HDAC9: variants seen among roughly 807,000 people sequenced by gnomAD.
HDAC9 encodes the protein MEF-2 interacting transcription repressor (MITR) protein.
A neutral mutation model predicts 139.4 loss-of-function variants in HDAC9; 41 were observed. That is an observed-to-expected ratio of 0.29 (90% CI 0.23 to 0.38). The LOEUF (loss-of-function observed/expected upper bound fraction) is 0.38. HDAC9 is among the 10% of genes least tolerant of loss of function. HDAC9 has a pLI of 1.00. For missense variants in HDAC9, 1,147 were observed against 1,297.0 expected (o/e 0.88, Z 1.78); for synonymous variants, 517 against 476.2 (o/e 1.09, Z -1.12).
chr7:18,190,524 T>C (rs555557472), intron 2 of HDAC9, among the ~76,000 whole-genome samples: 3 of 152,282 alleles, frequency 2.0e-5, no homozygotes, highest in East Asian at 1.9e-4. Flanking sequence ...ATTGTAATTA[T>C]AAACTGGCTT....
At chr7:18,794,697 T>C (rs1210768393) in intron 17 of HDAC9, among the ~76,000 whole-genome samples, 1 of 152,192 alleles carries the variant, frequency 6.6e-6, no homozygotes, top group Non-Finnish European at 1.5e-5. Flanking sequence ...TATCTCCCAG[T>C]AGAACTTGAG....
chr7:18,089,861 T>A (rs377384415), intron 1 of HDAC9, among the ~76,000 whole-genome samples: 31 of 152,282 alleles, frequency 2.0e-4, no homozygotes, highest in East Asian at 5.8e-4. Flanking sequence ...AATATTGTAG[T>A]TATGGACATT....
intron 16 of HDAC9, among the ~76,000 whole-genome samples, chr7:18,776,912 G>A (rs1313264183): frequency 1.3e-5 from 2 of 151,976 alleles, no homozygotes; most frequent in African/African-American, 4.8e-5. Flanking sequence ...TTAAAGATCT[G>A]TGTGTCTAGA....
intron 1 of HDAC9, among the ~76,000 whole-genome samples, chr7:18,410,009 T>C (rs1261410019): frequency 6.6e-6 from 1 of 151,316 alleles, no homozygotes; most frequent in Non-Finnish European, 1.5e-5. Context: ...TCCATAATTT[T>C]TCTTTACCCA....
chr7:18,836,316 C>T (rs1665120655), intron 21 of HDAC9, among the ~76,000 whole-genome samples: 2 of 152,096 alleles, frequency 1.3e-5, no homozygotes, highest in South Asian at 4.1e-4. Context: ...ATATTCATTG[C>T]CCTGAGAAGT....
At chr7:18,939,117 T>C (rs896734357) in intron 23 of HDAC9, among the ~76,000 whole-genome samples, 3 of 152,238 alleles carry the variant, frequency 2.0e-5, no homozygotes, top group African/African-American at 7.2e-5. Flanking sequence ...ATGCCCTAAA[T>C]ACCAGCTTGT....
intron 2 of HDAC9, among the ~76,000 whole-genome samples, chr7:18,280,201 G>T (rs1410873939): frequency 6.6e-6 from 1 of 152,096 alleles, no homozygotes; most frequent in Admixed American, 6.6e-5. Context: ...CATGTAATCC[G>T]AGCAGTTTGG....
chr7:18,993,928 T>C (rs143198642), intron 25 of HDAC9, among the ~76,000 whole-genome samples: 78 of 152,302 alleles, frequency 5.1e-4, no homozygotes, highest in African/African-American at 1.8e-3. Flanking sequence ...CAATATAAAA[T>C]GATTTCAAAG....
chr7:18,804,759 G>T (rs370048103), intron 17 of HDAC9, among the ~76,000 whole-genome samples: 2 of 152,130 alleles, frequency 1.3e-5, no homozygotes, highest in East Asian at 3.9e-4. Flanking sequence ...CATTACAAAA[G>T]ACTAGAGAAC....
chr7:18,942,951 A>G (rs991591724), intron 23 of HDAC9, among the ~76,000 whole-genome samples: 4 of 152,066 alleles, frequency 2.6e-5, no homozygotes, highest in Non-Finnish European at 5.9e-5. Context: ...AATAAAAAAA[A>G]TTAAAGAAAA....
chr7:19,001,059 G>A lies in HDAC9; in HGVS notation c.*4997G>A, dbSNP rs752204565. ...TATTGTATTTTGGTCTACAATTTTGGACTTGGCAGTTTGTTTTACTAATGC... is the reference window on the plus strand; with the variant it reads ...TATTGTATTTTGGTCTACAATTTTGAACTTGGCAGTTTGTTTTACTAATGC... On this transcript the variant is annotated 3_prime_UTR_variant, in exon 26 of 26. Coordinates refer to ENST00000686413, the MANE Select transcript of HDAC9 (RefSeq NM_178425.4). 2 of 151,994 alleles carry A rather than the reference G, an allele frequency of 1.3e-5. No homozygotes were observed. Among genetic ancestry groups the A allele is most frequent in the Non-Finnish European group, 2.9e-5 (2 of 67,980 alleles). The allele number at this position is 151,994 out of a possible 1,614,324, so 9.4% of individuals were successfully genotyped here. A position where few individuals can be genotyped will look rare whatever the true frequency, so the allele number is the denominator to read the frequency against.
chr7:18,956,662 A>T (rs951060045), intron 24 of HDAC9, among the ~76,000 whole-genome samples: 2 of 152,126 alleles, frequency 1.3e-5, no homozygotes, highest in Non-Finnish European at 2.9e-5. Context: ...ACTCAAAAGG[A>T]GTCTGGTTTT....
intron 9 of HDAC9, among the ~76,000 whole-genome samples, chr7:18,646,575 C>T (rs943005106): frequency 2.6e-5 from 4 of 152,106 alleles, no homozygotes; most frequent in African/African-American, 9.7e-5. Flanking sequence ...CTAGATTAAA[C>T]ATTGCATTGA....
At chr7:18,806,074 C>G (rs1166535863) in intron 17 of HDAC9, among the ~76,000 whole-genome samples, 3 of 152,046 alleles carry the variant, frequency 2.0e-5, no homozygotes, top group Non-Finnish European at 4.4e-5. Context: ...TTTTTAACAT[C>G]TAAAAATGAG....
At chr7:18,533,309 C>G (rs983039035) in intron 2 of HDAC9, among the ~76,000 whole-genome samples, 1 of 152,166 alleles carries the variant, frequency 6.6e-6, no homozygotes, top group Non-Finnish European at 1.5e-5. Flanking sequence ...CCCCACTCAT[C>G]CTTGGTCTGT....
At chr7:18,694,635 A>G (rs1782906199) in intron 12 of HDAC9, among the ~76,000 whole-genome samples, 1 of 152,070 alleles carries the variant, frequency 6.6e-6, no homozygotes, top group Admixed American at 6.6e-5. Flanking sequence ...TTCAGAAAAG[A>G]GACTCGCAAA....
intron 1 of HDAC9, among the ~76,000 whole-genome samples, chr7:18,140,780 A>G (rs976888375): frequency 6.6e-6 from 1 of 152,036 alleles, no homozygotes; most frequent in Non-Finnish European, 1.5e-5. Context: ...CTGAATATAT[A>G]TATATATTCT....
chr7:18,634,920 A>G (rs1182579351), intron 8 of HDAC9, among the ~76,000 whole-genome samples, 178 bp downstream of exon 8: 2 of 152,250 alleles, frequency 1.3e-5, no homozygotes, highest in Admixed American at 1.3e-4. Context: ...ACTAATGTAA[A>G]TATTATAAAC....
intron 1 of HDAC9, among the ~76,000 whole-genome samples, chr7:18,160,602 C>T (rs893984117): frequency 3.9e-5 from 6 of 152,068 alleles, no homozygotes; most frequent in Admixed American, 3.3e-4. Flanking sequence ...ACAGTGTGAG[C>T]AATGTTTGTA....
Sources: gnomAD v4.1 joint callset for allele counts (sites outside exome capture counted in the v4.1 genomes callset) on GRCh38, gnomAD v4.1.1 for gene constraint, MANE v1.5 for transcripts, NCBI Gene and HGNC (gene_info 2026-07-23, HGNC 2026-07-21) for gene names.